Variants in PTPN23 observed in about 807,000 individuals in gnomAD.
PTPN23 encodes protein tyrosine phosphatase non-receptor type 23, also known as tyrosine-protein phosphatase non-receptor type 23.
PTPN23 carries 72 observed loss-of-function variants against 156.3 expected under a neutral mutation model. That is an observed-to-expected ratio of 0.46 (90% CI 0.38 to 0.56). The LOEUF is 0.56. PTPN23 is among the 20% of genes least tolerant of loss of function. The probability of loss-of-function intolerance (pLI) is 0.00; values close to 1 mark genes in which losing one functional copy is unlikely to be tolerated. For missense variants in PTPN23, 1,974 were observed against 2,171.5 expected, an observed-to-expected ratio of 0.91 and a Z score of 1.81; for synonymous variants, 957 against 899.6, an observed-to-expected ratio of 1.06 and a Z score of -1.14.
rs1705080373 is a variant in PTPN23, at chr3:47,404,691, G to A, written c.199G>A (p.Val67Ile). 1 of 1,614,004 alleles carries A rather than the reference G, an allele frequency of 6.2e-7. No homozygotes were observed. The highest frequency in any genetic ancestry group is 1.3e-5 in the African/African-American group (1 of 75,026). The change falls in exon 3 of 25, where the codon GTC becomes ATC. Residue 67 changes from valine to isoleucine, a missense_variant. Val to Ile is a conservative substitution (Grantham distance 29). This residue lies in a region of PTPN23 where 726 missense variants were observed against 929.5 expected (regional missense o/e 0.78). Coordinates refer to ENST00000265562, the MANE Select transcript of PTPN23 (RefSeq NM_015466.4). ...RVPRDFEGCS[V>I]LRKYLGQLHY... ...CCCACGAGACTTTGAGGGCTGTAGT[G>A]TCCTCCGCAAGTACCTCGGCCAGCT...
At chr3:47,404,489 GT>G (rs1302974949) in intron 2 of PTPN23, among the ~76,000 whole-genome samples, 162 bp from the exon 3 acceptor site, 1 of 150,490 alleles carries the variant, frequency 6.6e-6, no homozygotes, top group Non-Finnish European at 1.5e-5. Context: ...CTTGTGGAAT[GT>G]TTTGTTGAAC....
In PTPN23 at chr3:47,410,765, A is replaced by G. The variant is rs1287661382; in HGVS notation, c.2967A>G (p.Pro989=). ...QHPHLFPPQA[P]GLLPPQSPYP... is the part of the protein sequence containing the mutation. ...CACATCTCTTCCCACCCCAGGCCCC[A>G]GGACTCCTACCCCCACAATCCCCCT... Residue 989 remains proline (P), a synonymous_variant, in exon 20 of 25, where the codon CCA becomes CCG. Coordinates refer to ENST00000265562, the MANE Select transcript of PTPN23 (RefSeq NM_015466.4). The G allele has an allele frequency of 6.6e-7, 1 of 1,505,974 alleles. No homozygotes were observed. Among genetic ancestry groups the G allele is most frequent in the South Asian group, 1.2e-5 (1 of 83,432 alleles). The allele number at this position is 1,505,974 out of a possible 1,614,324, so 93.3% of individuals were successfully genotyped here. A position where few individuals can be genotyped will look rare whatever the true frequency, so the allele number is the denominator to read the frequency against.
In PTPN23 at chr3:47,405,314, C is replaced by G; in HGVS notation, c.364+233C>G. On this transcript the variant is annotated intron_variant, in intron 4 of 24. Coordinates refer to ENST00000265562, the MANE Select transcript of PTPN23 (RefSeq NM_015466.4). This position sits in a 1 kb window ranked among gnomAD's most constrained non-coding sequence, Gnocchi z 4.7. ...CTGGGCTGGCTGCCACACAGAGTTG[C>G]CACTGTGTGCTCTGTCTGGGAGAGA... The G allele has an allele frequency of 5.2e-6, 3 of 581,772 alleles. No homozygotes were observed. The highest frequency in any genetic ancestry group is 9.2e-6 in the Non-Finnish European group (3 of 324,740). 36.0% of individuals were successfully genotyped at this position (581,772 alleles called of 1,614,324 possible).
In PTPN23 at chr3:47,405,913, A is replaced by C. The variant is rs1246197062; in HGVS notation, c.415-2A>C. 6.2e-7 allele frequency: 1 copy of C among 1,613,592 alleles called. No homozygotes were observed. Among genetic ancestry groups the C allele is most frequent in the South Asian group, 1.1e-5 (1 of 91,042 alleles). Reference sequence around the variant, plus strand: ...ACAGGCCATCCTCCCACTCCCTCCCAGGGCATGAAGGTCTCCTGTACCCAT... The same window carrying C: ...ACAGGCCATCCTCCCACTCCCTCCCCGGGCATGAAGGTCTCCTGTACCCAT... On this transcript the variant is annotated splice_acceptor_variant, in intron 5 of 24. Transcript: ENST00000265562. LOFTEE classifies it high-confidence loss of function. The surrounding 1 kb of genome is among the most constrained non-coding windows in gnomAD (Gnocchi z 4.7).
In PTPN23 at chr3:47,407,059, G is replaced by T; in HGVS notation, c.808-71G>T. 1.3e-6 allele frequency: 2 copies of T among 1,592,220 alleles called. No homozygotes were observed. The highest frequency in any genetic ancestry group is 1.1e-5 in the South Asian group (1 of 90,196). ...TGTCATCTGATGGACAGGCAGGGCC[G>T]GGTGGGAGGCAGGAGGAGAAAGGGT... On this transcript the variant is annotated intron_variant, in intron 9 of 24. Transcript: ENST00000265562. This position sits in a 1 kb window ranked among gnomAD's most constrained non-coding sequence, Gnocchi z 4.0.
chr3:47,397,427 A>G (rs1704902061), intron 2 of PTPN23, among the ~76,000 whole-genome samples: 1 of 152,206 alleles, frequency 6.6e-6, no homozygotes, highest in Non-Finnish European at 1.5e-5. Flanking sequence ...ACTATTGGAT[A>G]ACAACATGTT....
chr3:47,407,431 T>C lies in PTPN23; in HGVS notation c.923+64T>C, dbSNP rs1394425681. 2 of 1,609,144 alleles carry C rather than the reference T, an allele frequency of 1.2e-6. No homozygotes were observed. Among genetic ancestry groups the C allele is most frequent in the East Asian group, 4.5e-5 (2 of 44,826 alleles). On this transcript the variant is annotated intron_variant, in intron 11 of 24. Coordinates refer to ENST00000265562, the MANE Select transcript of PTPN23 (RefSeq NM_015466.4). The surrounding 1 kb of genome is among the most constrained non-coding windows in gnomAD (Gnocchi z 4.0). ...GAAGGGTCTTGTCCCTCTGCTGGCATCTACATGGGAAGTAGGTTCTGGATC... is the reference window on the plus strand; with the variant it reads ...GAAGGGTCTTGTCCCTCTGCTGGCACCTACATGGGAAGTAGGTTCTGGATC...
intron 1 of PTPN23, among the ~76,000 whole-genome samples, chr3:47,393,080 C>T (rs1261408578): frequency 6.6e-6 from 1 of 152,164 alleles, no homozygotes; most frequent in Non-Finnish European, 1.5e-5. Flanking sequence ...AAGTGATCCT[C>T]TGGCCTCGGC....
In PTPN23 at chr3:47,412,567, G is replaced by A. The variant is rs1705343564; in HGVS notation, c.4371G>A (p.Leu1457=). The change falls in exon 24 of 25, where the codon CTG becomes CTA. Residue 1457 remains leucine (L), a synonymous_variant. Transcript: ENST00000265562. The part of the protein sequence containing the change: ...EAVVRHVEQV[L]QRHGVPPPCK... ...TGGTGAGACACGTGGAGCAGGTCCT[G>A]CAGCGCCATGGTGTGCCTCCTCCAT... 2 of 1,613,560 alleles carry A rather than the reference G, an allele frequency of 1.2e-6. No homozygotes were observed. The highest frequency in any genetic ancestry group is 1.7e-6 in the Non-Finnish European group (2 of 1,180,010).
Position 47,408,899 on chromosome 3 carries a change from T to C in PTPN23, c.1454T>C (p.Ile485Thr), listed in dbSNP as rs867834900. ...GTGGGCCAGGCAGGGGCCATCTCCATCACCTCCAAGGCTGAGCTGGCAGAG... is the reference window on the plus strand; with the variant it reads ...GTGGGCCAGGCAGGGGCCATCTCCACCACCTCCAAGGCTGAGCTGGCAGAG... ...EAVGQAGAISITSKAELAEVR... is the reference protein window; with the variant it reads ...EAVGQAGAISTTSKAELAEVR... The change falls in exon 16 of 25, where the codon ATC (isoleucine) becomes ACC (threonine). Residue 485 changes from isoleucine to threonine, a missense_variant. Around this residue, in one of 4 missense-constraint regions of PTPN23, gnomAD observed 726 missense variants for 929.5 expected, o/e 0.78. Coordinates refer to ENST00000265562, the MANE Select transcript of PTPN23 (RefSeq NM_015466.4). The C allele has an allele frequency of 6.2e-7, 1 of 1,614,224 alleles. No homozygotes were observed. The highest frequency in any genetic ancestry group is 8.5e-7 in the Non-Finnish European group (1 of 1,180,044).
chr3:47,392,353 T>G (rs1704792354), intron 1 of PTPN23, among the ~76,000 whole-genome samples: 1 of 151,650 alleles, frequency 6.6e-6, no homozygotes, highest in Admixed American at 6.6e-5. Context: ...TGGCTAATTT[T>G]TAAATTTTTT....
At position 47,406,199 on chromosome 3, in the gene PTPN23, G is replaced by T; in HGVS notation, c.547-126G>T. On this transcript the variant is annotated intron_variant, in intron 6 of 24. Transcript: ENST00000265562. The surrounding 1 kb of genome is among the most constrained non-coding windows in gnomAD (Gnocchi z 5.8). ...CAGGAGCACCGTGGTGCTGCTTGGA[G>T]TGGGGGCAGCTGGGGGAGAGGGCAG... 6.8e-7 allele frequency: 1 copy of T among 1,463,058 alleles called. No individual in the cohort carries two copies. Among genetic ancestry groups the T allele is most frequent in the Non-Finnish European group, 9.3e-7 (1 of 1,071,102 alleles). 90.6% of individuals were successfully genotyped at this position (1,463,058 alleles called of 1,614,324 possible). A position where few individuals can be genotyped will look rare whatever the true frequency, so the allele number is the denominator to read the frequency against.
In PTPN23 at chr3:47,411,754, A is replaced by G; in HGVS notation, c.3889-29A>G. On this transcript the variant is annotated intron_variant, in intron 20 of 24. Coordinates refer to ENST00000265562, the MANE Select transcript of PTPN23 (RefSeq NM_015466.4). This position sits in a 1 kb window ranked among gnomAD's most constrained non-coding sequence, Gnocchi z 6.3. Reference sequence around the variant, plus strand: ...GCAGGGCAGGGGATCCTGGAAAACCAGGTCTGTCTTGGCTTATCTGTCCCT... The same window carrying G: ...GCAGGGCAGGGGATCCTGGAAAACCGGGTCTGTCTTGGCTTATCTGTCCCT... 1 of 1,593,066 alleles carries G rather than the reference A, an allele frequency of 6.3e-7. No homozygotes were observed. The highest frequency in any genetic ancestry group is 8.6e-7 in the Non-Finnish European group (1 of 1,165,960).
In PTPN23 at chr3:47,406,509, G is replaced by A. The variant is rs573901002; in HGVS notation, c.656G>A (p.Arg219Gln). Residue 219 changes from arginine to glutamine, a missense_variant, in exon 8 of 25, where the codon CGG (arginine) becomes CAG (glutamine). Coordinates refer to ENST00000265562, the MANE Select transcript of PTPN23 (RefSeq NM_015466.4). This position sits in a 1 kb window ranked among gnomAD's most constrained non-coding sequence, Gnocchi z 5.8. ...QVVDYYKEAC[R>Q]ALENPDTASL... ...GTAGATTACTACAAGGAGGCATGCC[G>A]GGCCTTGGAGAACCCCGACACTGCC... 5.0e-6 allele frequency: 8 copies of A among 1,613,878 alleles called. No homozygotes were observed. In the East Asian group the frequency reaches 8.9e-5, roughly 18 times the overall value.
At chr3:47,400,541 T>C (rs1704972361) in intron 2 of PTPN23, among the ~76,000 whole-genome samples, 1 of 152,224 alleles carries the variant, frequency 6.6e-6, no homozygotes, top group Non-Finnish European at 1.5e-5. Flanking sequence ...TTCCCAAAGA[T>C]GGTTTTAGGA....
rs1576235514 is a variant in PTPN23, at chr3:47,412,812, T to G, written c.4538T>G (p.Leu1513Trp). Residue 1513 changes from leucine to tryptophan, a missense_variant, in exon 25 of 25, where the codon TTG (leucine) becomes TGG (tryptophan). Physicochemically the swap from Leu to Trp is moderately conservative, Grantham distance 61. Around this residue, in one of 4 missense-constraint regions of PTPN23, gnomAD observed 484 missense variants for 516.0 expected, o/e 0.94. Transcript: ENST00000265562. ...AKLSIRPPGG[L>W]ESPVASLPGP... is the part of the protein sequence containing the mutation. ...CTCAGCATTCGGCCTCCTGGGGGGT[T>G]GGAGTCCCCGGTTGCCAGCTTGCCA... The G allele has an allele frequency of 1.9e-6, 3 of 1,613,530 alleles. No individual in the cohort carries two copies. In the African/African-American group the frequency reaches 4.0e-5, roughly 22 times the overall value.
chr3:47,410,125 T>G lies in PTPN23; in HGVS notation c.2327T>G (p.Phe776Cys). ...CCGCTCCACTTTCCTCCCAGCCCCT[T>G]CCCCAGCTCCACAGGCCCAGGACCC... ...ATPLHFPPSP[F>C]PSSTGPGPHY... is the part of the protein sequence containing the mutation. The change falls in exon 20 of 25, where the codon TTC becomes TGC. Residue 776 changes from phenylalanine to cysteine, a missense_variant. Physicochemically the swap from Phe to Cys is radical, Grantham distance 205. Coordinates refer to ENST00000265562, the MANE Select transcript of PTPN23 (RefSeq NM_015466.4). 6.3e-7 allele frequency: 1 copy of G among 1,595,900 alleles called. No individual in the cohort carries two copies. Among genetic ancestry groups the G allele is most frequent in the Admixed American group, 1.7e-5 (1 of 57,908 alleles).
chr3:47,410,386 C>T lies in PTPN23; in HGVS notation c.2588C>T (p.Ala863Val). ...CCACCAGTTGCAGGTCTCCCCTCGG[C>T]CCCACCTCCTCAATTCTCAGGCCCC... ...PAPPVAGLPS[A>V]PPPQFSGPEL... is the part of the protein sequence containing the mutation. Residue 863 changes from alanine (A) to valine (V), a missense_variant, in exon 20 of 25, where the codon GCC becomes GTC. By Grantham distance (64) the Ala-to-Val change is moderately conservative. Coordinates refer to ENST00000265562, the MANE Select transcript of PTPN23 (RefSeq NM_015466.4). The T allele has an allele frequency of 6.2e-7, 1 of 1,611,372 alleles. No homozygotes were observed. Among genetic ancestry groups the T allele is most frequent in the Non-Finnish European group, 8.5e-7 (1 of 1,179,050 alleles).
rs1022373832 is a variant in PTPN23, at chr3:47,404,669, A to G, written c.177A>G (p.Pro59=). 9.3e-6 allele frequency: 15 copies of G among 1,613,800 alleles called. No individual in the cohort carries two copies. Among genetic ancestry groups the G allele is most frequent in the Non-Finnish European group, 1.3e-5 (15 of 1,179,950 alleles). The change falls in exon 3 of 25, where the codon CCA becomes CCG. Residue 59 remains proline, a synonymous_variant. Coordinates refer to ENST00000265562, the MANE Select transcript of PTPN23 (RefSeq NM_015466.4). The stretch of plus-strand genomic sequence containing the variant: ...CCCCCCAGAATGCTGTCCGTGTCCC[A>G]CGAGACTTTGAGGGCTGTAGTGTCC... ...ELLRQNAVRV[P]RDFEGCSVLR... is the part of the protein sequence containing the mutation.
Sources: gnomAD v4.1 joint callset for allele counts (sites outside exome capture counted in the v4.1 genomes callset) on GRCh38, gnomAD v4.1.1 for gene constraint, gnomAD v4.1.1 regional missense constraint, Gnocchi (gnomAD v3.1) non-coding constraint, MANE v1.5 for transcripts, NCBI Gene and HGNC (gene_info 2026-07-23, HGNC 2026-07-21) for gene names.